UTRN: variants seen among roughly 807,000 people sequenced by gnomAD.
UTRN encodes the protein dystrophin-related protein 1.
A neutral mutation model predicts 463.9 loss-of-function variants in UTRN; 283 were observed. The observed-to-expected ratio is 0.61, with a 90% CI of 0.55 to 0.67. UTRN has a LOEUF of 0.67. UTRN is among the 30% of genes least tolerant of loss of function. The pLI, the probability that UTRN is intolerant of heterozygous loss-of-function variation, is 0.00. For synonymous variants in UTRN, 1,442 were observed against 1,431.5 expected (o/e 1.01, Z -0.17); for missense variants, 3,922 against 4,084.3 (o/e 0.96, Z 1.08).
intron 51 of UTRN, among the ~76,000 whole-genome samples, chr6:144,624,933 G>A (rs549336908): frequency 3.3e-5 from 5 of 152,064 alleles, no homozygotes; most frequent in African/African-American, 9.7e-5. Context: ...AAAAGAGAGC[G>A]GAATGTGTTT....
chr6:144,734,483 A>G (rs2128716548), intron 54 of UTRN, among the ~76,000 whole-genome samples: 1 of 152,190 alleles, frequency 6.6e-6, no homozygotes, highest in South Asian at 2.1e-4. Flanking sequence ...CCCTCCCGTC[A>G]CCCTGAGTCC....
intron 35 of UTRN, among the ~76,000 whole-genome samples, chr6:144,512,076 A>G (rs1478874517): frequency 2.0e-5 from 3 of 152,150 alleles, no homozygotes; most frequent in African/African-American, 7.2e-5. Context: ...TCCACAGTCC[A>G]TGACTTATTA....
In UTRN at chr6:144,835,893, G is replaced by T. The variant is rs374251723; in HGVS notation, c.9779G>T (p.Arg3260Leu). Reference protein sequence around the residue: ...QILKSVEREERGELERIIADL... With the variant: ...QILKSVEREELGELERIIADL... ...CTGAAGTCAGTAGAGAGGGAAGAAC[G>T]TGGAGAACTGGAGAGGATCATTGCT... The change falls in exon 70 of 75, where the codon CGT becomes CTT. Residue 3260 changes from arginine to leucine, a missense_variant. By Grantham distance (102) the Arg-to-Leu change is moderately radical. Transcript: ENST00000367545. The T allele has an allele frequency of 6.2e-7, 1 of 1,613,992 alleles. No individual in the cohort carries two copies. Among genetic ancestry groups the T allele is most frequent in the South Asian group, 1.1e-5 (1 of 91,088 alleles).
intron 2 of UTRN, among the ~76,000 whole-genome samples, chr6:144,327,356 C>G (rs534410995): frequency 4.6e-5 from 7 of 152,210 alleles, no homozygotes; most frequent in Admixed American, 4.6e-4. Context: ...AAAAGAAATG[C>G]TGTGGTATTT....
intron 23 of UTRN, among the ~76,000 whole-genome samples, chr6:144,464,771 A>G (rs1789765152): frequency 6.6e-6 from 1 of 152,112 alleles, no homozygotes; most frequent in Non-Finnish European, 1.5e-5. Flanking sequence ...AAATGCTAGG[A>G]TTACAGACAT....
At chr6:144,720,665 T>A (rs780621395) in intron 53 of UTRN, among the ~76,000 whole-genome samples, 20 of 152,200 alleles carry the variant, frequency 1.3e-4, no homozygotes, top group Non-Finnish European at 2.2e-4. Flanking sequence ...CTACATTACC[T>A]TCAATGTGTT....
intron 48 of UTRN, among the ~76,000 whole-genome samples, chr6:144,551,687 C>A (rs984335021): frequency 6.6e-6 from 1 of 152,164 alleles, no homozygotes; most frequent in African/African-American, 2.4e-5. Flanking sequence ...TGGGAATGTA[C>A]TACCAATAGC....
chr6:144,410,733 G>A (rs758063742), intron 3 of UTRN, among the ~76,000 whole-genome samples: 4 of 151,904 alleles, frequency 2.6e-5, no homozygotes, highest in Non-Finnish European at 5.9e-5. Flanking sequence ...TTTCATCCAG[G>A]TTGCTGCAGA....
chr6:144,434,337 GAGGGGA>G (rs1316615874), intron 9 of UTRN, among the ~76,000 whole-genome samples: 2 of 151,128 alleles, frequency 1.3e-5, no homozygotes, highest in Non-Finnish European at 3.0e-5. Flanking sequence ...ACCGTGGAAA[GAGGGGA>G]GGGGGAGGGG....
At chr6:144,442,082 A>G (rs1787235926) in intron 13 of UTRN, among the ~76,000 whole-genome samples, 1 of 152,076 alleles carries the variant, frequency 6.6e-6, no homozygotes, top group Admixed American at 6.5e-5. Context: ...ATGCCTGGAG[A>G]TGTTTTCCGC....
At chr6:144,523,319 T>C (rs1268772935) in intron 41 of UTRN, 131 bp downstream of exon 41, 1 of 768,104 alleles carries the variant, frequency 1.3e-6, no homozygotes, top group East Asian at 3.4e-5. Context: ...TATTATTTTT[T>C]TTTCTTTTAA....
At chr6:144,822,383 C>A (rs1779678282) in intron 66 of UTRN, among the ~76,000 whole-genome samples, 1 of 151,924 alleles carries the variant, frequency 6.6e-6, no homozygotes, top group Non-Finnish European at 1.5e-5. Context: ...AATGCAAATG[C>A]ATATTTAGAT....
At chr6:144,731,652 C>T (rs1788534184) in intron 54 of UTRN, among the ~76,000 whole-genome samples, 2 of 152,138 alleles carry the variant, frequency 1.3e-5, no homozygotes, top group African/African-American at 4.8e-5. Flanking sequence ...CTTTTTGACT[C>T]TCTGAAACTA....
chr6:144,554,020 G>A (rs1585245064), intron 48 of UTRN, among the ~76,000 whole-genome samples: 2 of 152,064 alleles, frequency 1.3e-5, no homozygotes, highest in African/African-American at 4.8e-5. Flanking sequence ...TAGAAAGAGA[G>A]AGAAGGTGAT....
intron 18 of UTRN, 28 bp downstream of exon 18, chr6:144,451,521 A>C: frequency 6.3e-7 from 1 of 1,597,550 alleles, no homozygotes; most frequent in Non-Finnish European, 8.5e-7. Context: ...CATATATCCT[A>C]GTGCATAAAA....
intron 69 of UTRN, among the ~76,000 whole-genome samples, chr6:144,830,734 T>G (rs972037721): frequency 6.6e-6 from 1 of 150,802 alleles, no homozygotes; most frequent in African/African-American, 2.4e-5. Flanking sequence ...TTTTTGTTTT[T>G]TTTTTGCTTT....
At chr6:144,440,289 G>A in intron 12 of UTRN, 63 bp from the exon 13 acceptor site, 5 of 1,563,270 alleles carry the variant, frequency 3.2e-6, no homozygotes, top group Non-Finnish European at 4.4e-6. Flanking sequence ...TGACAACTGA[G>A]TGCGTTTTAA....
chr6:144,485,207 A>G (rs1412544762), intron 27 of UTRN, among the ~76,000 whole-genome samples, 178 bp from the exon 28 acceptor site: 1 of 152,084 alleles, frequency 6.6e-6, no homozygotes, highest in Non-Finnish European at 1.5e-5. Context: ...TACAGGCGTG[A>G]GCCACCACGC....
chr6:144,499,228 C>G lies in UTRN; in HGVS notation c.4594-29C>G. ...TTTATGTTCATTCCCATCTCAGTCT[C>G]AGTCTCTCCCTGCCTCTCTCCGTCT... On this transcript the variant is annotated intron_variant, in intron 33 of 74. Transcript: ENST00000367545. The G allele has an allele frequency of 2.5e-6, 4 of 1,596,058 alleles. No homozygotes were observed. The South Asian group carries it at 4.5e-5, about 18-fold the overall frequency.
Sources: allele counts gnomAD v4.1 joint callset (sites outside exome capture counted in the v4.1 genomes callset), GRCh38; gene constraint gnomAD v4.1.1; transcripts MANE v1.5; gene names NCBI Gene and HGNC (gene_info 2026-07-23, HGNC 2026-07-21).